Variants in ZNF462 observed in about 807,000 individuals in gnomAD.
ZNF462 encodes zinc finger protein 462, also known as zinc finger PBX1-interacting protein.
A neutral mutation model predicts 201.9 loss-of-function variants in ZNF462; 10 were observed. That is an observed-to-expected ratio of 0.05 (90% CI 0.03 to 0.08). The LOEUF (loss-of-function observed/expected upper bound fraction) is 0.08. Among genes scored for constraint, ZNF462 ranks in the 10% least tolerant of loss-of-function variants. The pLI is 1.00. For missense variants in ZNF462, 2,523 were observed against 3,168.3 expected (o/e 0.80, Z 4.89); for synonymous variants, 1,227 against 1,193.3 (o/e 1.03, Z -0.58).
At chr9:106,942,521 A>AT (rs1386722550) in intron 7 of ZNF462, among the ~76,000 whole-genome samples, 1 of 152,216 alleles carries the variant, frequency 6.6e-6, no homozygotes, top group Non-Finnish European at 1.5e-5. Context: ...TGTGTATAAG[A>AT]TAATGGGCAA....
chr9:106,982,142 A>G (rs1827482221), intron 9 of ZNF462, among the ~76,000 whole-genome samples: 1 of 152,196 alleles, frequency 6.6e-6, no homozygotes, highest in South Asian at 2.1e-4. Flanking sequence ...TAGCTTGTTC[A>G]TGGGTTCTGT....
intron 1 of ZNF462, among the ~76,000 whole-genome samples, chr9:106,868,299 G>A (rs1242166208): frequency 6.6e-6 from 1 of 152,108 alleles, no homozygotes; most frequent in Non-Finnish European, 1.5e-5. Context: ...GGAATGGACA[G>A]TTTAATTTTA....
At chr9:106,976,397 A>G (rs1235952011) in intron 9 of ZNF462, 1 of 152,218 alleles carries the variant, frequency 6.6e-6, no homozygotes, top group Admixed American at 6.5e-5. Context: ...ACCTAGAGGA[A>G]TTTGTCTAGC....
chr9:106,864,146 G>A (rs1442540075), intron 1 of ZNF462, among the ~76,000 whole-genome samples: 2 of 147,552 alleles, frequency 1.4e-5, no homozygotes, highest in Non-Finnish European at 3.0e-5. Flanking sequence ...GTCGGGATGT[G>A]TCGGGGGGTG....
Position 106,935,444 on chromosome 9 carries a change from A to G in ZNF462, c.6117-59A>G. On this transcript the variant is annotated intron_variant, in intron 5 of 12. Coordinates refer to ENST00000277225, the MANE Select transcript of ZNF462 (RefSeq NM_021224.6). This position sits in a 1 kb window ranked among gnomAD's most constrained non-coding sequence, Gnocchi z 4.1. The stretch of plus-strand genomic sequence containing the variant: ...ATTCCTGGAAAAAAAGCAATGAGCA[A>G]ATCCTCTATGCAATTTTTAATTTTG... 8 of 1,495,506 alleles carry G rather than the reference A, an allele frequency of 5.3e-6. No individual in the cohort carries two copies. The highest frequency in any genetic ancestry group is 5.6e-6 in the Non-Finnish European group (6 of 1,074,532). The allele number at this position is 1,495,506 out of a possible 1,614,324, so 92.6% of individuals were successfully genotyped here.
intron 1 of ZNF462, among the ~76,000 whole-genome samples, chr9:106,899,345 T>G (rs1007634031): frequency 6.6e-6 from 1 of 150,850 alleles, no homozygotes; most frequent in African/African-American, 2.4e-5. Flanking sequence ...AAATTGAAAA[T>G]GCAGAAAGGA....
rs1442894975 is a variant in ZNF462, at chr9:107,012,505, T to C, written c.*1475T>C. 1.3e-5 allele frequency: 2 copies of C among 150,176 alleles called. No homozygotes were observed. The highest frequency in any genetic ancestry group is 4.9e-5 in the African/African-American group (2 of 40,792). 9.3% of individuals were successfully genotyped at this position (150,176 alleles called of 1,614,324 possible). ...CTGCTCTGTCCCCCATATCAGCTTT[T>C]TCAGGAGGGAGCAGCTTAGACTAAA... is the stretch of plus-strand genomic sequence containing the variant. On this transcript the variant is annotated 3_prime_UTR_variant, in exon 13 of 13. Transcript: ENST00000277225.
intron 10 of ZNF462, among the ~76,000 whole-genome samples, chr9:106,999,211 T>C (rs1356957825): frequency 6.6e-6 from 1 of 152,168 alleles, no homozygotes; most frequent in African/African-American, 2.4e-5. Flanking sequence ...TTCTCATCTT[T>C]AGAGGAAACA....
chr9:106,889,827 A>G (rs898313170), intron 1 of ZNF462, among the ~76,000 whole-genome samples: 2 of 152,138 alleles, frequency 1.3e-5, no homozygotes, highest in Admixed American at 1.3e-4. Context: ...GTTTTAATGC[A>G]TTTTATTTGG....
chr9:106,982,972 AATAATACATTGCTGTTTCTAAAT>A (rs1272084755), intron 9 of ZNF462, among the ~76,000 whole-genome samples: 3 of 152,224 alleles, frequency 2.0e-5, no homozygotes, highest in Non-Finnish European at 4.4e-5. Context: ...TTCTTGACTT[AATAATACATTGCTGTTTCTAAAT>A]AATATAAGTA....
At chr9:106,875,797 C>G (rs1827805788) in intron 1 of ZNF462, among the ~76,000 whole-genome samples, 1 of 152,106 alleles carries the variant, frequency 6.6e-6, no homozygotes, top group Non-Finnish European at 1.5e-5. Context: ...TTCTGACATG[C>G]AGTTATATGG....
At chr9:106,910,011 C>T (rs1457205386) in intron 1 of ZNF462, among the ~76,000 whole-genome samples, 6 of 152,148 alleles carry the variant, frequency 3.9e-5, no homozygotes, top group African/African-American at 1.2e-4. Context: ...TCATCTTCTC[C>T]ACTTGCTTTC....
At chr9:106,887,392 G>C (rs1828367989) in intron 1 of ZNF462, among the ~76,000 whole-genome samples, 1 of 152,142 alleles carries the variant, frequency 6.6e-6, no homozygotes, top group South Asian at 2.1e-4. Context: ...TATAAAAACA[G>C]TTTCACAAAG....
chr9:106,966,799 T>A lies in ZNF462; in HGVS notation c.6428-5206T>A, dbSNP rs1832092377. Among the ~76,000 whole-genome samples the A allele has an allele frequency of 1.3e-5, 2 of 152,152 alleles. No homozygotes were observed. Among genetic ancestry groups the A allele is most frequent in the Admixed American group, 1.3e-4 (2 of 15,256 alleles). On this transcript the variant is annotated intron_variant, in intron 7 of 12. Transcript: ENST00000277225. The surrounding 1 kb of genome is among the most constrained non-coding windows in gnomAD (Gnocchi z 4.4). ...TTGCTTGCCTAAAATTCCTTGTCTT[T>A]TATTTTTTCTTGGTACTTGATTCAC... is the stretch of plus-strand genomic sequence containing the variant.
Position 106,924,222 on chromosome 9 carries a change from A to G in ZNF462, c.310A>G (p.Thr104Ala), listed in dbSNP as rs753594431. 6.2e-7 allele frequency: 1 copy of G among 1,614,132 alleles called. No homozygotes were observed. Among genetic ancestry groups the G allele is most frequent in the East Asian group, 2.2e-5 (1 of 44,876 alleles). Residue 104 changes from threonine to alanine, a missense_variant, in exon 3 of 13, where the codon ACA becomes GCA. By Grantham distance (58) the Thr-to-Ala change is moderately conservative. Transcript: ENST00000277225. This position sits in a 1 kb window ranked among gnomAD's most constrained non-coding sequence, Gnocchi z 6.2. Reference protein sequence around the residue: ...GQHIAANPKPTNKFFQCKFCV... With the variant: ...GQHIAANPKPANKFFQCKFCV... ...GCATATTGCCGCTAATCCCAAACCA[A>G]CAAACAAGTTTTTTCAATGCAAGTT...
At chr9:106,998,076 T>C (rs1041364547) in intron 10 of ZNF462, among the ~76,000 whole-genome samples, 16 of 152,192 alleles carry the variant, frequency 1.1e-4, no homozygotes, top group Non-Finnish European at 1.8e-4. Context: ...ACAAAAAGTT[T>C]ACCAGCCTGT....
chr9:106,864,039 G>GCCCTCTCT, intron 1 of ZNF462, among the ~76,000 whole-genome samples: 1 of 22,760 alleles, frequency 4.4e-5, no homozygotes, highest in South Asian at 1.6e-3. Flanking sequence ...CAGGTATTTG[G>GCCCTCTCT]CTCTCTCTCT....
rs1247123261 is a variant in ZNF462 at position 106,951,544 on chromosome 9, A to G, written c.6427+12437A>G. Among the ~76,000 whole-genome samples the G allele has an allele frequency of 3.3e-5, 5 of 152,194 alleles. 1 individual carries two copies. The highest frequency in any genetic ancestry group is 4.8e-5 in the African/African-American group (2 of 41,444). On this transcript the variant is annotated intron_variant, in intron 7 of 12. Coordinates refer to ENST00000277225, the MANE Select transcript of ZNF462 (RefSeq NM_021224.6). Reference sequence around the variant, plus strand: ...TTTTATATTAATTATCATAATCCCAATGAACAGAGGTGACTCTACTGGGAC... The same window carrying G: ...TTTTATATTAATTATCATAATCCCAGTGAACAGAGGTGACTCTACTGGGAC...
At position 106,917,936 on chromosome 9, in the gene ZNF462, G is replaced by T. The variant is rs935387078; in HGVS notation, c.-30-5418G>T. Among the ~76,000 whole-genome samples the T allele has an allele frequency of 6.6e-6, 1 of 151,456 alleles. No homozygotes were observed. The highest frequency in any genetic ancestry group is 2.4e-5 in the African/African-American group (1 of 41,174). On this transcript the variant is annotated intron_variant, in intron 1 of 12. Transcript: ENST00000277225. This position sits in a 1 kb window ranked among gnomAD's most constrained non-coding sequence, Gnocchi z 4.5. ...CTGCCACCCAGGCTGGAGTGCAGTG[G>T]CGCGATCTCGGCTCACTGCAACCTT...
Sources: allele counts gnomAD v4.1 joint callset (sites outside exome capture counted in the v4.1 genomes callset), GRCh38; gene constraint gnomAD v4.1.1; non-coding constraint Gnocchi (gnomAD v3.1); transcripts MANE v1.5; gene names NCBI Gene and HGNC (gene_info 2026-07-23, HGNC 2026-07-21).